Variants in POFUT3 observed in about 807,000 individuals in gnomAD.
POFUT3 encodes GDP-fucose protein O-fucosyltransferase 3.
the POFUT3 span, among the ~76,000 whole-genome samples, chr8:33,461,187 A>AAGGAAGGG: frequency 8.8e-6 from 1 of 114,172 alleles, no homozygotes; most frequent in East Asian, 3.2e-4. Flanking sequence ...GGAAGGAAGG[A>AAGGAAGGG]AGGAAGGGAG....
the POFUT3 span, among the ~76,000 whole-genome samples, chr8:33,463,547 G>A: frequency 6.6e-6 from 1 of 151,886 alleles, no homozygotes; most frequent in Non-Finnish European, 1.5e-5. Flanking sequence ...AGTCTACCTT[G>A]ATTTACTTTT....
the POFUT3 span, chr8:33,372,410 G>A: frequency 7.1e-7 from 1 of 1,407,614 alleles, no homozygotes; most frequent in Non-Finnish European, 9.2e-7. Flanking sequence ...TACCCCTAAG[G>A]GTAATTTACA....
At chr8:33,344,315 A>G in the POFUT3 span, among the ~76,000 whole-genome samples, 1 of 152,218 alleles carries the variant, frequency 6.6e-6, no homozygotes, top group African/African-American at 2.4e-5. Context: ...ATGTGAATTC[A>G]TTACTGGCTA....
At chr8:33,327,014 G>C in the POFUT3 span, among the ~76,000 whole-genome samples, 56 of 152,262 alleles carry the variant, frequency 3.7e-4, no homozygotes, top group African/African-American at 1.3e-3. Flanking sequence ...CTGGCCTTAA[G>C]CCATTCTCCT....
the POFUT3 span, among the ~76,000 whole-genome samples, chr8:33,425,003 A>G: frequency 6.6e-6 from 1 of 152,172 alleles, no homozygotes; most frequent in Admixed American, 6.6e-5. Flanking sequence ...GCATTAAATA[A>G]TCTTATTAGT....
the POFUT3 span, chr8:33,461,818 C>G: frequency 2.2e-6 from 1 of 444,550 alleles, no homozygotes; most frequent in African/African-American, 2.1e-5. Flanking sequence ...ACATTTTAAA[C>G]TAAAAGGAAA....
chr8:33,400,658 T>G, the POFUT3 span, among the ~76,000 whole-genome samples: 1 of 152,228 alleles, frequency 6.6e-6, no homozygotes, highest in East Asian at 1.9e-4. Flanking sequence ...TTATAGATTT[T>G]TATTATTTAT....
At chr8:33,425,869 G>A in the POFUT3 span, among the ~76,000 whole-genome samples, 1 of 150,212 alleles carries the variant, frequency 6.7e-6, no homozygotes, top group South Asian at 2.1e-4. Flanking sequence ...TTCAAAGGTT[G>A]CAGGGAGCCG....
the POFUT3 span, chr8:33,389,441 T>A: frequency 6.2e-7 from 1 of 1,614,242 alleles, no homozygotes; most frequent in Non-Finnish European, 8.5e-7. Context: ...TCGTAAACAT[T>A]CACCATAGGA....
chr8:33,404,337 CA>C, the POFUT3 span, among the ~76,000 whole-genome samples: 35,134 of 110,832 alleles, frequency 0.32, 4,435 homozygotes, highest in South Asian at 0.5. Context: ...GGCTCTGTCT[CA>C]AAAAAAAAAA....
chr8:33,334,561 C>G, the POFUT3 span, among the ~76,000 whole-genome samples: 1 of 152,268 alleles, frequency 6.6e-6, no homozygotes, highest in African/African-American at 2.4e-5. Flanking sequence ...GGGACACGGT[C>G]TGAGATTCTG....
the POFUT3 span, among the ~76,000 whole-genome samples, chr8:33,439,539 A>G: frequency 6.6e-6 from 1 of 152,120 alleles, no homozygotes; most frequent in African/African-American, 2.4e-5. Context: ...CCCCTGCTTA[A>G]AACCTCCCGA....
chr8:33,352,214 A>T, the POFUT3 span, among the ~76,000 whole-genome samples: 4 of 152,222 alleles, frequency 2.6e-5, no homozygotes, highest in Non-Finnish European at 5.9e-5. Flanking sequence ...GCTTACAAAA[A>T]GCCTTAGAAA....
At chr8:33,396,866 T>G in the POFUT3 span, among the ~76,000 whole-genome samples, 4 of 152,228 alleles carry the variant, frequency 2.6e-5, no homozygotes, top group African/African-American at 9.6e-5. Context: ...CACTGTGTTC[T>G]TGACACTTAA....
At chr8:33,406,590 C>A in the POFUT3 span, among the ~76,000 whole-genome samples, 1 of 151,992 alleles carries the variant, frequency 6.6e-6, no homozygotes, top group African/African-American at 2.4e-5. Context: ...CACTATCACG[C>A]CTGGCTAATT....
chr8:33,370,864 C>T, the POFUT3 span: 2 of 152,230 alleles, frequency 1.3e-5, no homozygotes, highest in East Asian at 3.9e-4. Context: ...ACAAGGAATC[C>T]CCCTTTCCAG....
chr8:33,447,191 GTTA>G, the POFUT3 span, among the ~76,000 whole-genome samples: 2 of 152,114 alleles, frequency 1.3e-5, no homozygotes, highest in African/African-American at 4.8e-5. Flanking sequence ...GCTCAAGCCT[GTTA>G]ATCCCAGCAC....
the POFUT3 span, among the ~76,000 whole-genome samples, chr8:33,451,559 T>C: frequency 6.6e-6 from 1 of 151,972 alleles, no homozygotes. Context: ...AATGTGTATG[T>C]ATGTGTATAT....
the POFUT3 span, among the ~76,000 whole-genome samples, chr8:33,348,756 T>C: frequency 6.6e-6 from 1 of 152,122 alleles, no homozygotes; most frequent in African/African-American, 2.4e-5. Context: ...TTTAGAGGTA[T>C]GAAGGGAGCA....
Sources: gnomAD v4.1 joint callset for allele counts (sites outside exome capture counted in the v4.1 genomes callset) on GRCh38, gnomAD v4.1.1 for gene constraint, MANE v1.5 for transcripts, NCBI Gene and HGNC (gene_info 2026-07-23, HGNC 2026-07-21) for gene names.